Variants in LRRC46 observed in about 807,000 individuals in gnomAD.
LRRC46 encodes the protein leucine-rich repeat-containing protein 46.
Under a neutral mutation model 28.0 loss-of-function variants are expected in LRRC46, and 20 were observed. The ratio of observed to expected loss-of-function variants is 0.71; its 90% confidence interval spans 0.50 to 1.04. The LOEUF (loss-of-function observed/expected upper bound fraction) is 1.04, where lower values mean the gene tolerates loss of function less well. Among genes scored for constraint, LRRC46 ranks in the 50% least tolerant of loss-of-function variants. The pLI, the probability that LRRC46 is intolerant of heterozygous loss-of-function variation, is 0.00. For synonymous variants in LRRC46, 156 were observed against 158.8 expected (o/e 0.98, Z 0.13); for missense variants, 315 against 390.1 (o/e 0.81, Z 1.62).
chr17:47,836,773 G>A lies in LRRC46; in HGVS notation c.619G>A (p.Glu207Lys). ...ERGFLKELEQELSRHREHRQQ... is the reference protein window; with the variant it reads ...ERGFLKELEQKLSRHREHRQQ... ...AGGCTTCCTCAAGGAGCTGGAGCAG[G>A]AGCTGAGCAGGCACAGGGAGCACCG... The change falls in exon 8 of 8, where the codon GAG becomes AAG. Residue 207 changes from glutamate (E) to lysine (K), a missense_variant. Physicochemically the swap from Glu to Lys is moderately conservative, Grantham distance 56. Coordinates refer to ENST00000269025, the MANE Select transcript of LRRC46 (RefSeq NM_033413.4). This position sits in a 1 kb window ranked among gnomAD's most constrained non-coding sequence, Gnocchi z 5.8. 1.2e-6 allele frequency: 2 copies of A among 1,611,890 alleles called. No individual in the cohort carries two copies. Among genetic ancestry groups the A allele is most frequent in the Middle Eastern group, 1.7e-4 (1 of 6,040 alleles).
intron 5 of LRRC46, 72 bp from the exon 6 acceptor site, chr17:47,835,961 T>G: frequency 6.5e-7 from 1 of 1,548,588 alleles, no homozygotes; most frequent in South Asian, 1.1e-5. Flanking sequence ...GAGAACCCCA[T>G]TCCCATCGCT....
Position 47,831,780 on chromosome 17 carries a change from C to G in LRRC46, c.-210C>G, listed in dbSNP as rs1164729336. 2 of 672,194 alleles carry G rather than the reference C, an allele frequency of 3.0e-6. No individual in the cohort carries two copies. Among genetic ancestry groups the G allele is most frequent in the Non-Finnish European group, 5.1e-6 (2 of 391,136 alleles). The allele number at this position is 672,194 out of a possible 1,614,324, so 41.6% of individuals were successfully genotyped here. On this transcript the variant is annotated 5_prime_UTR_variant, in exon 1 of 8. Coordinates refer to ENST00000269025, the MANE Select transcript of LRRC46 (RefSeq NM_033413.4). ...TGCTGCCAGCAAAGCCCCTCCACAC[C>G]CCTCAAACTCCAGACCCTTCACATC...
intron 3 of LRRC46, chr17:47,834,792 T>A (rs1360883067): frequency 5.9e-6 from 2 of 340,158 alleles, no homozygotes; most frequent in African/African-American, 2.1e-5. Context: ...TTTTGGCATC[T>A]ACTCTAAATC....
chr17:47,835,585 C>T, intron 4 of LRRC46, 81 bp from the exon 5 acceptor site: 1 of 1,470,728 alleles, frequency 6.8e-7, no homozygotes, highest in Non-Finnish European at 9.5e-7. Flanking sequence ...GCCCAGGGGC[C>T]CCGGTGTCAG....
In LRRC46 at chr17:47,836,199, T is replaced by TGAC; in HGVS notation, c.452+98_452+100dup. On this transcript the variant is annotated intron_variant, in intron 6 of 7. Transcript: ENST00000269025. The surrounding 1 kb of genome is among the most constrained non-coding windows in gnomAD (Gnocchi z 5.8). The stretch of plus-strand genomic sequence containing the variant: ...GCCTGCAAACCTGGGGTCCTGTCCA[T>TGAC]GACACCTTCTCCCCCACCTCCTACC... The TGAC allele has an allele frequency of 2.5e-6, 4 of 1,570,276 alleles. No homozygotes were observed. Among genetic ancestry groups the TGAC allele is most frequent in the Non-Finnish European group, 3.5e-6 (4 of 1,142,424 alleles).
chr17:47,835,848 C>T lies in LRRC46; in HGVS notation c.382+73C>T, dbSNP rs1598045425. ...CTGCCCTCCCCTCTGCACCCATCTG[C>T]CCATGCTTCTATTAGCCATGCCCCT... is the stretch of plus-strand genomic sequence containing the variant. On this transcript the variant is annotated intron_variant, in intron 5 of 7. Coordinates refer to ENST00000269025, the MANE Select transcript of LRRC46 (RefSeq NM_033413.4). 4 of 1,413,500 alleles carry T rather than the reference C, an allele frequency of 2.8e-6. 1 individual carries two copies. In the South Asian group the frequency reaches 4.6e-5, roughly 16 times the overall value. 87.6% of individuals were successfully genotyped at this position (1,413,500 alleles called of 1,614,324 possible). A position where few individuals can be genotyped will look rare whatever the true frequency, so the allele number is the denominator to read the frequency against.
In LRRC46 at chr17:47,836,454, G is replaced by A. The variant is rs1391113111; in HGVS notation, c.574G>A (p.Gly192Ser). Residue 192 changes from glycine (G) to serine (S), a missense_variant, in exon 7 of 8, where the codon GGC becomes AGC. Gly to Ser is a moderately conservative substitution (Grantham distance 56). Coordinates refer to ENST00000269025, the MANE Select transcript of LRRC46 (RefSeq NM_033413.4). The surrounding 1 kb of genome is among the most constrained non-coding windows in gnomAD (Gnocchi z 5.8). ...SSDEEFPELSGPFCSERGFLK... is the reference protein window; with the variant it reads ...SSDEEFPELSSPFCSERGFLK... ...CGATGAGGAGTTCCCAGAGCTGAGT[G>A]GCCCATTCTGCTCAGAACGAGGTGA... 1 of 1,614,010 alleles carries A rather than the reference G, an allele frequency of 6.2e-7. No individual in the cohort carries two copies. The highest frequency in any genetic ancestry group is 1.7e-5 in the Admixed American group (1 of 60,000).
chr17:47,836,967 C>A lies in LRRC46; in HGVS notation c.813C>A (p.Ser271=), dbSNP rs1295161680. 6.2e-7 allele frequency: 1 copy of A among 1,613,516 alleles called. No homozygotes were observed. Among genetic ancestry groups the A allele is most frequent in the Non-Finnish European group, 8.5e-7 (1 of 1,179,876 alleles). The change falls in exon 8 of 8, where the codon TCC becomes TCA. Residue 271 remains serine (S), a synonymous_variant. Transcript: ENST00000269025. This position sits in a 1 kb window ranked among gnomAD's most constrained non-coding sequence, Gnocchi z 5.8. ...VPEAVSSPQA[S]SPTKKPCSLI... ...AGGCCGTCTCCTCACCCCAGGCCTCCTCTCCCACCAAGAAACCATGCAGTC... is the reference window on the plus strand; with the variant it reads ...AGGCCGTCTCCTCACCCCAGGCCTCATCTCCCACCAAGAAACCATGCAGTC...
At position 47,837,661 on chromosome 17, in the gene LRRC46, C is replaced by A. The variant is rs1011150875; in HGVS notation, c.*541C>A. 2.6e-6 allele frequency: 2 copies of A among 778,568 alleles called. No homozygotes were observed. Among genetic ancestry groups the A allele is most frequent in the African/African-American group, 1.8e-5 (1 of 54,644 alleles). The allele number at this position is 778,568 out of a possible 1,614,324, so 48.2% of individuals were successfully genotyped here. ...TGGGCCTCACTTGGCTCTCCCACCC[C>A]CACTGGTCCTGGGATAAAGTTCACT... is the stretch of plus-strand genomic sequence containing the variant. On this transcript the variant is annotated 3_prime_UTR_variant, in exon 8 of 8. Coordinates refer to ENST00000269025, the MANE Select transcript of LRRC46 (RefSeq NM_033413.4).
At chr17:47,835,864 C>G in intron 5 of LRRC46, 89 bp downstream of exon 5, 1 of 1,352,390 alleles carries the variant, frequency 7.4e-7, no homozygotes, top group South Asian at 1.2e-5. Context: ...CTTCTATTAG[C>G]CATGCCCCTG....
Position 47,831,878 on chromosome 17 carries a change from T to G in LRRC46, c.-112T>G, listed in dbSNP as rs941073612. ...ACCCCCTTTCCTCCTCTCCTAAGTC[T>G]CTGAGTTTCTCTCTCCTCCTGCCAT... is the stretch of plus-strand genomic sequence containing the variant. On this transcript the variant is annotated 5_prime_UTR_variant, in exon 1 of 8. Coordinates refer to ENST00000269025, the MANE Select transcript of LRRC46 (RefSeq NM_033413.4). 5 of 1,422,052 alleles carry G rather than the reference T, an allele frequency of 3.5e-6. No individual in the cohort carries two copies. The highest frequency in any genetic ancestry group is 4.9e-6 in the Non-Finnish European group (5 of 1,016,160). 88.1% of individuals were successfully genotyped at this position (1,422,052 alleles called of 1,614,324 possible). A position where few individuals can be genotyped will look rare whatever the true frequency, so the allele number is the denominator to read the frequency against.
chr17:47,835,634 C>T, intron 4 of LRRC46, 32 bp from the exon 5 acceptor site: 1 of 1,596,212 alleles, frequency 6.3e-7, no homozygotes. Context: ...CATGATTCAG[C>T]TCTGCCTCTG....
At chr17:47,833,436 G>A (rs547997077) in intron 2 of LRRC46, among the ~76,000 whole-genome samples, 2 of 145,370 alleles carry the variant, frequency 1.4e-5, no homozygotes, top group African/African-American at 5.0e-5. Flanking sequence ...ATAGATGTTT[G>A]GCCTTCTTCC....
At position 47,836,592 on chromosome 17, in the gene LRRC46, C is replaced by T. The variant is rs2033700102; in HGVS notation, c.595+117C>T. ...GAGGGGAGCCCCAAGTTCAGATCAA[C>T]ATCTGGGCCAGAGCCAGGTGTCAGT... is the stretch of plus-strand genomic sequence containing the variant. On this transcript the variant is annotated intron_variant, in intron 7 of 7. Coordinates refer to ENST00000269025, the MANE Select transcript of LRRC46 (RefSeq NM_033413.4). The surrounding 1 kb of genome is among the most constrained non-coding windows in gnomAD (Gnocchi z 5.8). The T allele has an allele frequency of 7.3e-6, 11 of 1,501,990 alleles. No homozygotes were observed. Among genetic ancestry groups the T allele is most frequent in the Non-Finnish European group, 9.8e-6 (11 of 1,117,520 alleles). 93.0% of individuals were successfully genotyped at this position (1,501,990 alleles called of 1,614,324 possible).
At chr17:47,835,322 T>G (rs370338025) in intron 3 of LRRC46, 31 bp from the exon 4 acceptor site, 30 of 1,613,552 alleles carry the variant, frequency 1.9e-5, no homozygotes, top group African/African-American at 4.0e-5. Flanking sequence ...TGATCTCAGC[T>G]TGGTTTCCCC....
At chr17:47,832,037 A>G in intron 1 of LRRC46, 38 bp downstream of exon 1, 1 of 1,614,012 alleles carries the variant, frequency 6.2e-7, no homozygotes, top group Non-Finnish European at 8.5e-7. Context: ...GAGCAGTTGG[A>G]AAACAGCGGG....
At position 47,836,751 on chromosome 17, in the gene LRRC46, C is replaced by T; in HGVS notation, c.597C>T (p.Gly199=). 1 of 1,613,110 alleles carries T rather than the reference C, an allele frequency of 6.2e-7. No individual in the cohort carries two copies. The highest frequency in any genetic ancestry group is 1.3e-5 in the African/African-American group (1 of 74,850). ...CCCTCCACCCCCGGCCCCTCCCAGG[C>T]TTCCTCAAGGAGCTGGAGCAGGAGC... ...ELSGPFCSER[G]FLKELEQELS... Residue 199 remains glycine (G), a splice_region_variant and synonymous_variant, in exon 8 of 8, where the codon GGC becomes GGT. Coordinates refer to ENST00000269025, the MANE Select transcript of LRRC46 (RefSeq NM_033413.4). This position sits in a 1 kb window ranked among gnomAD's most constrained non-coding sequence, Gnocchi z 5.8.
Position 47,832,011 on chromosome 17 carries a change from G to A in LRRC46, c.10+12G>A, listed in dbSNP as rs761244154. On this transcript the variant is annotated intron_variant, in intron 1 of 7. Transcript: ENST00000269025. ...GATCATGTCTGGAGGTGAGTAGGGA[G>A]GTGGGACGGTGGGTAGAGCAGTTGG... 1 of 1,613,882 alleles carries A rather than the reference G, an allele frequency of 6.2e-7. No individual in the cohort carries two copies. The highest frequency in any genetic ancestry group is 1.7e-5 in the Admixed American group (1 of 60,014).
chr17:47,831,845 C>T lies in LRRC46; in HGVS notation c.-145C>T, dbSNP rs1036781228. 2.8e-6 allele frequency: 3 copies of T among 1,072,928 alleles called. No individual in the cohort carries two copies. The African/African-American group carries it at 4.8e-5, about 17-fold the overall frequency. The allele number at this position is 1,072,928 out of a possible 1,614,324, so 66.5% of individuals were successfully genotyped here. A position where few individuals can be genotyped will look rare whatever the true frequency, so the allele number is the denominator to read the frequency against. On this transcript the variant is annotated 5_prime_UTR_variant, in exon 1 of 8. Transcript: ENST00000269025. ...TTCGACCTCACCCCAGCAATTTTCT[C>T]TGAATCAACCCCCTTTCCTCCTCTC...
Sources: gnomAD v4.1 joint callset for allele counts (sites outside exome capture counted in the v4.1 genomes callset) on GRCh38, gnomAD v4.1.1 for gene constraint, Gnocchi (gnomAD v3.1) non-coding constraint, MANE v1.5 for transcripts, NCBI Gene and HGNC (gene_info 2026-07-23, HGNC 2026-07-21) for gene names.